Variants in GCC1 observed in about 807,000 individuals in gnomAD.
GCC1 encodes the protein GRIP and coiled-coil domain containing 1.
In GCC1, 36 loss-of-function variants were observed where a neutral mutation model predicts 62.5. That is an observed-to-expected ratio of 0.58 (90% CI 0.44 to 0.76). The LOEUF (loss-of-function observed/expected upper bound fraction) is 0.76. Among genes scored for constraint, GCC1 ranks in the 30% least tolerant of loss-of-function variants. The pLI, the probability that GCC1 is intolerant of heterozygous loss-of-function variation, is 0.00. For missense variants in GCC1, 885 were observed against 948.3 expected (o/e 0.93, Z 0.88); for synonymous variants, 391 against 386.8 (o/e 1.01, Z -0.13).
In GCC1 at chr7:127,582,177, T is replaced by C. The variant is rs1475842081; in HGVS notation, c.2165A>G (p.Tyr722Cys). 1 of 1,614,068 alleles carries C rather than the reference T, an allele frequency of 6.2e-7. No homozygotes were observed. Among genetic ancestry groups the C allele is most frequent in the Non-Finnish European group, 8.5e-7 (1 of 1,180,008 alleles). ...GAAGCGGTAGATGATGTTTTTGAGG[T>C]ACTCCAGATTGGCTCCCTCCCTGCT... ...DQSREGANLE[Y>C]LKNIIYRFLT... The change falls in exon 2 of 2, where the codon TAC (tyrosine) becomes TGC (cysteine). Residue 722 changes from tyrosine to cysteine, a missense_variant. Tyr to Cys is a radical substitution (Grantham distance 194). Coordinates refer to ENST00000321407, the MANE Select transcript of GCC1 (RefSeq NM_024523.6). The surrounding 1 kb of genome is among the most constrained non-coding windows in gnomAD (Gnocchi z 4.8).
Position 127,584,350 on chromosome 7 carries a change from C to T in GCC1, c.833G>A (p.Arg278Gln), listed in dbSNP as rs774680445. The T allele has an allele frequency of 2.5e-5, 41 of 1,613,710 alleles. 2 individuals carry two copies. In the South Asian group the frequency reaches 4.5e-4, roughly 18 times the overall value. The change falls in exon 1 of 2, where the codon CGA (arginine) becomes CAA (glutamine). Residue 278 changes from arginine to glutamine, a missense_variant. Coordinates refer to ENST00000321407, the MANE Select transcript of GCC1 (RefSeq NM_024523.6). The stretch of plus-strand genomic sequence containing the variant: ...TTCCATCTGTTCAGCTGCATATGCT[C>T]GTCCTGCCAAGGCTTCTCGGGTCTC... ...LEETREALAG[R>Q]AYAAEQMEGF... is the part of the protein sequence containing the mutation.
Position 127,585,318 on chromosome 7 carries a change from C to G in GCC1, c.-136G>C. On this transcript the variant is annotated 5_prime_UTR_variant, in exon 1 of 2. Transcript: ENST00000321407. ...CCGCACACCTACTCCACCTAGTTAT[C>G]CCGGACCTAATGCGGAACGGCCGGA... The G allele has an allele frequency of 1.2e-6, 1 of 821,938 alleles. No individual in the cohort carries two copies. Among genetic ancestry groups the G allele is most frequent in the Non-Finnish European group, 1.9e-6 (1 of 536,958 alleles). The allele number at this position is 821,938 out of a possible 1,614,324, so 50.9% of individuals were successfully genotyped here.
Position 127,585,129 on chromosome 7 carries a change from C to T in GCC1, c.54G>A (p.Leu18=), listed in dbSNP as rs2117407741. ...GCTTCTTCTGGGTCTCTATAGTCTC[C>T]AGCAAGTCCTTCTTGCTCGGGCCGC... ...FGGGPSKKDL[L]ETIETQKKQL... The change falls in exon 1 of 2, where the codon CTG becomes CTA. Residue 18 remains leucine (L), a synonymous_variant. Coordinates refer to ENST00000321407, the MANE Select transcript of GCC1 (RefSeq NM_024523.6). 1 of 1,610,864 alleles carries T rather than the reference C, an allele frequency of 6.2e-7. No individual in the cohort carries two copies.
Position 127,585,223 on chromosome 7 carries a change from G to C in GCC1, c.-41C>G, listed in dbSNP as rs992824443. 6.6e-7 allele frequency: 1 copy of C among 1,523,248 alleles called. No homozygotes were observed. The highest frequency in any genetic ancestry group is 2.1e-5 in the Admixed American group (1 of 47,758). The allele number at this position is 1,523,248 out of a possible 1,614,324, so 94.4% of individuals were successfully genotyped here. ...ATTGCCCCACGTCAGCTTTCCAGCA[G>C]AACGGGAGAGGGCCGTGAAGACGCA... On this transcript the variant is annotated 5_prime_UTR_variant, in exon 1 of 2. Transcript: ENST00000321407.
In GCC1 at chr7:127,581,634, C is replaced by T. The variant is rs545920125; in HGVS notation, c.*380G>A. 5.7e-6 allele frequency: 1 copy of T among 174,560 alleles called. No homozygotes were observed. The highest frequency in any genetic ancestry group is 1.7e-4 in the East Asian group (1 of 5,920). 10.8% of individuals were successfully genotyped at this position (174,560 alleles called of 1,614,324 possible). A position where few individuals can be genotyped will look rare whatever the true frequency, so the allele number is the denominator to read the frequency against. The stretch of plus-strand genomic sequence containing the variant: ...GAAAATAGCTAGGTTTTGTGCATTT[C>T]AGAGATTAACTGAACTCCCTTTGGA... On this transcript the variant is annotated 3_prime_UTR_variant, in exon 2 of 2. Coordinates refer to ENST00000321407, the MANE Select transcript of GCC1 (RefSeq NM_024523.6).
In GCC1 at chr7:127,584,994, G is replaced by C. The variant is rs775013517; in HGVS notation, c.189C>G (p.His63Gln). 1 of 1,614,214 alleles carries C rather than the reference G, an allele frequency of 6.2e-7. No homozygotes were observed. The highest frequency in any genetic ancestry group is 8.5e-7 in the Non-Finnish European group (1 of 1,180,034). The change falls in exon 1 of 2, where the codon CAC becomes CAG. Residue 63 changes from histidine to glutamine, a missense_variant. By Grantham distance (24) the His-to-Gln change is conservative. Coordinates refer to ENST00000321407, the MANE Select transcript of GCC1 (RefSeq NM_024523.6). ...CACCTGCGAGGCCCACATCTGCCTC[G>C]TGGGATACCGACAGCACCTTGATGC... ...EASIKVLSVS[H>Q]EADVGLAGVQ...
rs1794194120 is a variant in GCC1, at chr7:127,585,578, A to G, written c.-396T>C. The G allele has an allele frequency of 5.7e-6, 1 of 174,518 alleles. No homozygotes were observed. The highest frequency in any genetic ancestry group is 2.4e-5 in the African/African-American group (1 of 42,402). 10.8% of individuals were successfully genotyped at this position (174,518 alleles called of 1,614,324 possible). A position where few individuals can be genotyped will look rare whatever the true frequency, so the allele number is the denominator to read the frequency against. On this transcript the variant is annotated 5_prime_UTR_variant, in exon 1 of 2. Transcript: ENST00000321407. ...TCGGTCCCATCACGACATCCTAACT[A>G]AAGCTGCCTGCCGACAACGGCGCTT... is the stretch of plus-strand genomic sequence containing the variant.
chr7:127,583,376 G>A, intron 1 of GCC1, 67 bp from the exon 2 acceptor site: 1 of 1,282,554 alleles, frequency 7.8e-7, no homozygotes, highest in Non-Finnish European at 1.1e-6. Flanking sequence ...GAGAAAGCAG[G>A]AGAGGGGAGC....
Position 127,582,737 on chromosome 7 carries a change from C to G in GCC1, c.1605G>C (p.Arg535=). The change falls in exon 2 of 2, where the codon CGG becomes CGC. Residue 535 remains arginine (R), a synonymous_variant. Coordinates refer to ENST00000321407, the MANE Select transcript of GCC1 (RefSeq NM_024523.6). The surrounding 1 kb of genome is among the most constrained non-coding windows in gnomAD (Gnocchi z 4.8). The part of the protein sequence containing the change: ...AELKEKYISL[R]LSCEELEHQH... ...GGTGCTCCAGCTCCTCGCAGGAGAG[C>G]CGCAGGGAAATATACTTCTCCTTCA... 1 of 1,614,154 alleles carries G rather than the reference C, an allele frequency of 6.2e-7. No individual in the cohort carries two copies.
Position 127,582,624 on chromosome 7 carries a change from T to C in GCC1, c.1718A>G (p.Asp573Gly). ...CAGTTTCAGTGTGCGGTCCCTGAAGTCCAGCTGGCACCGCTCCAGCTCCTG... is the reference window on the plus strand; with the variant it reads ...CAGTTTCAGTGTGCGGTCCCTGAAGCCCAGCTGGCACCGCTCCAGCTCCTG... ...HRQELERCQL[D>G]FRDRTLKLEE... The change falls in exon 2 of 2, where the codon GAC (aspartate) becomes GGC (glycine). Residue 573 changes from aspartate to glycine, a missense_variant. Coordinates refer to ENST00000321407, the MANE Select transcript of GCC1 (RefSeq NM_024523.6). The surrounding 1 kb of genome is among the most constrained non-coding windows in gnomAD (Gnocchi z 4.8). 1 of 1,612,992 alleles carries C rather than the reference T, an allele frequency of 6.2e-7. No homozygotes were observed. The highest frequency in any genetic ancestry group is 1.3e-5 in the African/African-American group (1 of 75,004).
intron 1 of GCC1, 149 bp from the exon 2 acceptor site, chr7:127,583,458 A>G: frequency 1.6e-6 from 1 of 632,784 alleles, no homozygotes. Context: ...TCAGGAGCTA[A>G]CAAAAGTTCC....
In GCC1 at chr7:127,581,733, C is replaced by A; in HGVS notation, c.*281G>T. 1 of 392,726 alleles carries A rather than the reference C, an allele frequency of 2.5e-6. No individual in the cohort carries two copies. Among genetic ancestry groups the A allele is most frequent in the East Asian group, 4.5e-5 (1 of 22,316 alleles). The allele number at this position is 392,726 out of a possible 1,614,324, so 24.3% of individuals were successfully genotyped here. On this transcript the variant is annotated 3_prime_UTR_variant, in exon 2 of 2. Coordinates refer to ENST00000321407, the MANE Select transcript of GCC1 (RefSeq NM_024523.6). ...ACATCTTATTTTAAAACAGCCTTAC[C>A]ACTGTTCCAACTTCTGCACTTCTCA...
At position 127,585,139 on chromosome 7, in the gene GCC1, T is replaced by C. The variant is rs748763036; in HGVS notation, c.44A>G (p.Lys15Arg). The C allele has an allele frequency of 6.2e-7, 1 of 1,609,034 alleles. No homozygotes were observed. The highest frequency in any genetic ancestry group is 8.5e-7 in the Non-Finnish European group (1 of 1,177,622). ...GMNFGGGPSK[K>R]DLLETIETQK... ...GGTCTCTATAGTCTCCAGCAAGTCC[T>C]TCTTGCTCGGGCCGCCCCCGAAATT... is the stretch of plus-strand genomic sequence containing the variant. The change falls in exon 1 of 2, where the codon AAG becomes AGG. Residue 15 changes from lysine (K) to arginine (R), a missense_variant. Transcript: ENST00000321407.
rs1242562514 is a variant in GCC1, at chr7:127,584,962, A to G, written c.221T>C (p.Leu74Pro). ...AGAGTCAGGAAAGGTGAGGCCTGGAAGCTGGACACCTGCGAGGCCCACATC... is the reference window on the plus strand; with the variant it reads ...AGAGTCAGGAAAGGTGAGGCCTGGAGGCTGGACACCTGCGAGGCCCACATC... ...EADVGLAGVQ[L>P]PGLTFPDSVD... is the part of the protein sequence containing the mutation. The change falls in exon 1 of 2, where the codon CTT becomes CCT. Residue 74 changes from leucine to proline, a missense_variant. By Grantham distance (98) the Leu-to-Pro change is moderately conservative. Coordinates refer to ENST00000321407, the MANE Select transcript of GCC1 (RefSeq NM_024523.6). 6.2e-7 allele frequency: 1 copy of G among 1,614,192 alleles called. No homozygotes were observed. Among genetic ancestry groups the G allele is most frequent in the Non-Finnish European group, 8.5e-7 (1 of 1,180,038 alleles).
Position 127,581,128 on chromosome 7 carries a change from C to T in GCC1, c.*886G>A, listed in dbSNP as rs1017051223. The T allele has an allele frequency of 2.0e-5, 3 of 152,218 alleles. No homozygotes were observed. Among genetic ancestry groups the T allele is most frequent in the African/African-American group, 4.8e-5 (2 of 41,446 alleles). 9.4% of individuals were successfully genotyped at this position (152,218 alleles called of 1,614,324 possible). On this transcript the variant is annotated 3_prime_UTR_variant, in exon 2 of 2. Transcript: ENST00000321407. ...AAAGGCAGAAAAGCTAGGGGCCAAT[C>T]TCTGAGCTAATTCCTTGAATCCAGG...
At chr7:127,583,599 C>T (rs1474500936) in intron 1 of GCC1, among the ~76,000 whole-genome samples, 1 of 152,150 alleles carries the variant, frequency 6.6e-6, no homozygotes, top group Non-Finnish European at 1.5e-5. Flanking sequence ...CAGGTGCTTC[C>T]TCAAATCCTA....
rs1266529705 is a variant in GCC1, at chr7:127,583,027, G to A, written c.1315C>T (p.Leu439=). Reference sequence around the variant, plus strand: ...GCCGCAACCTGCAGCAGCCTCTTCAGCTTCTCCATCTTATCTTTCAGGACA... The same window carrying A: ...GCCGCAACCTGCAGCAGCCTCTTCAACTTCTCCATCTTATCTTTCAGGACA... ...VNVLKDKMEK[L]KRLLQVAARK... Residue 439 remains leucine, a synonymous_variant, in exon 2 of 2, where the codon CTG becomes TTG. Coordinates refer to ENST00000321407, the MANE Select transcript of GCC1 (RefSeq NM_024523.6). 5 of 1,614,034 alleles carry A rather than the reference G, an allele frequency of 3.1e-6. No homozygotes were observed. The highest frequency in any genetic ancestry group is 4.2e-6 in the Non-Finnish European group (5 of 1,180,036).
chr7:127,584,975 C>A lies in GCC1; in HGVS notation c.208G>T (p.Ala70Ser). 2 of 1,614,200 alleles carry A rather than the reference C, an allele frequency of 1.2e-6. No homozygotes were observed. Among genetic ancestry groups the A allele is most frequent in the Middle Eastern group, 3.3e-4 (2 of 6,062 alleles). ...GTGAGGCCTGGAAGCTGGACACCTG[C>A]GAGGCCCACATCTGCCTCGTGGGAT... is the stretch of plus-strand genomic sequence containing the variant. ...SVSHEADVGL[A>S]GVQLPGLTFP... Residue 70 changes from alanine to serine, a missense_variant, in exon 1 of 2, where the codon GCA becomes TCA. Ala to Ser is a moderately conservative substitution (Grantham distance 99). Coordinates refer to ENST00000321407, the MANE Select transcript of GCC1 (RefSeq NM_024523.6).
chr7:127,585,497 C>A lies in GCC1; in HGVS notation c.-315G>T. 1 of 329,554 alleles carries A rather than the reference C, an allele frequency of 3.0e-6. No homozygotes were observed. The highest frequency in any genetic ancestry group is 5.6e-5 in the East Asian group (1 of 17,914). 20.4% of individuals were successfully genotyped at this position (329,554 alleles called of 1,614,324 possible). On this transcript the variant is annotated 5_prime_UTR_variant, in exon 1 of 2. Coordinates refer to ENST00000321407, the MANE Select transcript of GCC1 (RefSeq NM_024523.6). ...CTCCGCACTCTCCGCTCGTCTGGGC[C>A]ACAGCAGCCCGGGCCGGCCCCCTCG...
Sources: gnomAD v4.1 joint callset for allele counts (sites outside exome capture counted in the v4.1 genomes callset) on GRCh38, gnomAD v4.1.1 for gene constraint, Gnocchi (gnomAD v3.1) non-coding constraint, MANE v1.5 for transcripts, NCBI Gene and HGNC (gene_info 2026-07-23, HGNC 2026-07-21) for gene names.